The following KCNK9 variants were observed in gnomAD, a reference collection of about 807,000 sequenced individuals.
KCNK9 encodes the protein potassium channel subfamily K member 9.
A neutral mutation model predicts 10.8 loss-of-function variants in KCNK9; 1 was observed. That is an observed-to-expected ratio of 0.09 (90% CI 0.03 to 0.44). The LOEUF (loss-of-function observed/expected upper bound fraction) is 0.44. KCNK9 is among the 20% of genes least tolerant of loss of function. The pLI is 0.97. For missense variants in KCNK9, 303 were observed against 515.0 expected, an observed-to-expected ratio of 0.59 and a Z score of 3.98; for synonymous variants, 231 against 222.7, an observed-to-expected ratio of 1.04 and a Z score of -0.33.
intron 1 of KCNK9, among the ~76,000 whole-genome samples, chr8:139,621,372 A>C (rs1455084870): frequency 6.6e-6 from 1 of 152,158 alleles, no homozygotes; most frequent in Non-Finnish European, 1.5e-5. Flanking sequence ...CAGGCAGGAC[A>C]AATACAAAGA....
chr8:139,677,827 C>G (rs78636758), intron 1 of KCNK9, among the ~76,000 whole-genome samples: 4 of 85,762 alleles, frequency 4.7e-5, no homozygotes, highest in African/African-American at 1.5e-4. Flanking sequence ...CAGGTCCCCA[C>G]AGCTGCAGAG....
chr8:139,700,540 G>A (rs2002414), intron 1 of KCNK9, among the ~76,000 whole-genome samples: 38,511 of 118,698 alleles, frequency 0.32, 6,172 homozygotes, highest in Admixed American at 0.4. Context: ...ACACACACAC[G>A]CGCGCACACA....
intron 1 of KCNK9, among the ~76,000 whole-genome samples, chr8:139,624,617 G>A (rs1814906294): frequency 6.6e-6 from 1 of 152,136 alleles, no homozygotes; most frequent in Admixed American, 6.5e-5. Context: ...GGAGATCCAG[G>A]AAAACCCCCA....
chr8:139,688,212 A>C (rs1816861592), intron 1 of KCNK9, among the ~76,000 whole-genome samples: 1 of 152,220 alleles, frequency 6.6e-6, no homozygotes, highest in South Asian at 2.1e-4. Context: ...GCTGTACCCC[A>C]GCTAATAAAA....
chr8:139,619,351 G>C (rs967608766), intron 1 of KCNK9, among the ~76,000 whole-genome samples: 1 of 152,108 alleles, frequency 6.6e-6, no homozygotes, highest in Admixed American at 6.6e-5. Flanking sequence ...GAGGGAGTTG[G>C]GATGTGCTGG....
At chr8:139,651,449 A>G (rs1332993875) in intron 1 of KCNK9, among the ~76,000 whole-genome samples, 2 of 152,128 alleles carry the variant, frequency 1.3e-5, no homozygotes, top group African/African-American at 2.4e-5. Flanking sequence ...CATCATTCAC[A>G]CCCAGGGTGC....
At chr8:139,635,716 C>A (rs1815316053) in intron 1 of KCNK9, among the ~76,000 whole-genome samples, 1 of 152,094 alleles carries the variant, frequency 6.6e-6, no homozygotes, top group Non-Finnish European at 1.5e-5. Context: ...AAGAGAATCA[C>A]AAAAGAAAGC....
chr8:139,702,188 G>GAGA lies in KCNK9; in HGVS notation c.283+519_283+521dup, dbSNP rs1036534788. Among the ~76,000 whole-genome samples the GAGA allele has an allele frequency of 1.3e-5, 2 of 152,180 alleles. No homozygotes were observed. The highest frequency in any genetic ancestry group is 4.8e-5 in the African/African-American group (2 of 41,456). On this transcript the variant is annotated intron_variant, in intron 1 of 1. Transcript: ENST00000520439. This position sits in a 1 kb window ranked among gnomAD's most constrained non-coding sequence, Gnocchi z 7.5. ...GGAAGAGAGATGAAATCTGAGCTCA[G>GAGA]AGAAGCCTGGAGCGGGGCCCAGGGG...
chr8:139,631,119 G>A (rs1284749727), intron 1 of KCNK9, among the ~76,000 whole-genome samples: 1 of 152,262 alleles, frequency 6.6e-6, no homozygotes, highest in East Asian at 1.9e-4. Flanking sequence ...GTTTTCCGGT[G>A]ACTGCGTCCA....
At chr8:139,627,938 C>T (rs1815029631) in intron 1 of KCNK9, among the ~76,000 whole-genome samples, 1 of 152,196 alleles carries the variant, frequency 6.6e-6, no homozygotes, top group Non-Finnish European at 1.5e-5. Flanking sequence ...GGACGGTGGG[C>T]CAGGGTGACT....
In KCNK9 at chr8:139,702,735, A is replaced by G. The variant is rs1246370972; in HGVS notation, c.258T>C (p.Phe86=). ...CTATGGTGGTGATGACCGTGATCGC[A>G]AAGTAGAAGGAGCCGGCGAATTTCC... ...VQWKFAGSFY[F]AITVITTIGY... Residue 86 remains phenylalanine (F), a synonymous_variant, in exon 1 of 2, where the codon TTT becomes TTC. Transcript: ENST00000520439. The surrounding 1 kb of genome is among the most constrained non-coding windows in gnomAD (Gnocchi z 7.5). 3 of 1,611,840 alleles carry G rather than the reference A, an allele frequency of 1.9e-6. No homozygotes were observed. Among genetic ancestry groups the G allele is most frequent in the Non-Finnish European group, 2.5e-6 (3 of 1,179,512 alleles).
At chr8:139,684,508 CA>C (rs758162951) in intron 1 of KCNK9, among the ~76,000 whole-genome samples, 24 of 152,054 alleles carry the variant, frequency 1.6e-4, no homozygotes, top group African/African-American at 5.3e-4. Flanking sequence ...AAAATATGAA[CA>C]TATACATAAC....
At chr8:139,676,970 AACAG>A (rs774340422) in intron 1 of KCNK9, among the ~76,000 whole-genome samples, 6 of 151,408 alleles carry the variant, frequency 4.0e-5, no homozygotes, top group African/African-American at 7.3e-5. Context: ...CAAACAAACA[AACAG>A]ACAGACAAAA....
At chr8:139,640,734 G>A (rs1016747106) in intron 1 of KCNK9, among the ~76,000 whole-genome samples, 1 of 152,190 alleles carries the variant, frequency 6.6e-6, no homozygotes, top group Non-Finnish European at 1.5e-5. Flanking sequence ...GAACCTGGAT[G>A]GGGAAAATCC....
At chr8:139,684,303 A>G (rs1329317823) in intron 1 of KCNK9, among the ~76,000 whole-genome samples, 2 of 152,216 alleles carry the variant, frequency 1.3e-5, no homozygotes, top group Non-Finnish European at 2.9e-5. Flanking sequence ...TTCTGATAGC[A>G]GTTATAACAT....
At chr8:139,645,423 A>AG (rs768684666) in intron 1 of KCNK9, among the ~76,000 whole-genome samples, 22 of 152,040 alleles carry the variant, frequency 1.4e-4, no homozygotes, top group Non-Finnish European at 2.5e-4. Flanking sequence ...TTCAGGGTCC[A>AG]GGTAGGGAGG....
rs1166907273 is a variant in KCNK9, at chr8:139,618,923, C to T, written c.460G>A (p.Val154Met). 1 of 1,614,224 alleles carries T rather than the reference C, an allele frequency of 6.2e-7. No homozygotes were observed. ...KKCCGMRNTD[V>M]SMENMVTVGF... is the part of the protein sequence containing the mutation. ...ACAGTCACCATGTTCTCCATAGACA[C>T]GTCAGTGTTGCGCATGCCACAGCAC... The change falls in exon 2 of 2, where the codon GTG becomes ATG. Residue 154 changes from valine (V) to methionine (M), a missense_variant. By Grantham distance (21) the Val-to-Met change is conservative. Coordinates refer to ENST00000520439, the MANE Select transcript of KCNK9 (RefSeq NM_001282534.2). The surrounding 1 kb of genome is among the most constrained non-coding windows in gnomAD (Gnocchi z 7.9).
intron 1 of KCNK9, among the ~76,000 whole-genome samples, chr8:139,674,431 T>C (rs1360735807): frequency 2.0e-5 from 3 of 152,152 alleles, no homozygotes; most frequent in Non-Finnish European, 4.4e-5. Flanking sequence ...CCTGAGCTGA[T>C]GAGTATAGGG....
intron 1 of KCNK9, among the ~76,000 whole-genome samples, chr8:139,638,248 G>A (rs543934292): frequency 3.3e-5 from 5 of 151,980 alleles, no homozygotes; most frequent in East Asian, 1.9e-4. Flanking sequence ...TCACCTGTAC[G>A]TCCCCGTTTA....
Sources: gnomAD v4.1 joint callset for allele counts (sites outside exome capture counted in the v4.1 genomes callset) on GRCh38, gnomAD v4.1.1 for gene constraint, Gnocchi (gnomAD v3.1) non-coding constraint, MANE v1.5 for transcripts, NCBI Gene and HGNC (gene_info 2026-07-23, HGNC 2026-07-21) for gene names.